Variants in ZSWIM5 observed in about 807,000 individuals in gnomAD.
ZSWIM5 encodes zinc finger SWIM-type containing 5, also known as zinc finger SWIM domain-containing protein 5.
Under a neutral mutation model 119.6 loss-of-function variants are expected in ZSWIM5, and 55 were observed. The observed-to-expected ratio is 0.46, with a 90% CI of 0.37 to 0.58. The LOEUF (loss-of-function observed/expected upper bound fraction) is 0.58. Among genes scored for constraint, ZSWIM5 ranks in the 20% least tolerant of loss-of-function variants. The pLI is 0.00. For missense variants in ZSWIM5, 1,193 were observed against 1,512.8 expected (o/e 0.79, Z 3.51); for synonymous variants, 537 against 606.9 (o/e 0.88, Z 1.69).
At chr1:45,140,283 T>C (rs1204688919) in intron 1 of ZSWIM5, among the ~76,000 whole-genome samples, 2 of 152,232 alleles carry the variant, frequency 1.3e-5, no homozygotes, top group East Asian at 1.9e-4. Flanking sequence ...ATCTATTGTC[T>C]ATGGCTGCTT....
intron 1 of ZSWIM5, among the ~76,000 whole-genome samples, chr1:45,152,331 T>C (rs1002462339): frequency 2.0e-5 from 3 of 152,128 alleles, no homozygotes; most frequent in Non-Finnish European, 4.4e-5. Flanking sequence ...CAAGAGACGA[T>C]GGTAGTTTGG....
chr1:45,081,860 A>C (rs1352692409), intron 2 of ZSWIM5, among the ~76,000 whole-genome samples: 1 of 152,174 alleles, frequency 6.6e-6, no homozygotes, highest in Non-Finnish European at 1.5e-5. Flanking sequence ...GGCCAGGATG[A>C]CAATGGCGGC....
intron 2 of ZSWIM5, among the ~76,000 whole-genome samples, chr1:45,069,329 A>G (rs953390444): frequency 2.6e-5 from 4 of 151,818 alleles, no homozygotes; most frequent in Admixed American, 6.6e-5. Context: ...GGGAGGCTGA[A>G]GTAGGAGAAT....
intron 1 of ZSWIM5, among the ~76,000 whole-genome samples, chr1:45,199,745 CT>C (rs1646148229): frequency 6.6e-6 from 1 of 152,198 alleles, no homozygotes; most frequent in Admixed American, 6.5e-5. Flanking sequence ...CAAATATTCA[CT>C]GTTTATAACT....
chr1:45,135,412 G>C (rs1349829394), intron 1 of ZSWIM5, among the ~76,000 whole-genome samples: 1 of 152,118 alleles, frequency 6.6e-6, no homozygotes, highest in Non-Finnish European at 1.5e-5. Context: ...TAAACTTAAT[G>C]TTATGTGTTT....
chr1:45,097,180 A>G (rs1236220646), intron 1 of ZSWIM5, among the ~76,000 whole-genome samples: 1 of 152,238 alleles, frequency 6.6e-6, no homozygotes, highest in Non-Finnish European at 1.5e-5. Context: ...GAAATTGTTC[A>G]CTTAACAGTT....
At chr1:45,102,039 T>TAAAA (rs35157053) in intron 1 of ZSWIM5, among the ~76,000 whole-genome samples, 1 of 144,684 alleles carries the variant, frequency 6.9e-6, no homozygotes, top group African/African-American at 2.5e-5. Context: ...TAAAGTATAA[T>TAAAA]AAAAAAAAAA....
Position 45,171,603 on chromosome 1 carries a change from A to G in ZSWIM5, c.595+34153T>C, listed in dbSNP as rs778999291. 2.8e-4 allele frequency among the ~76,000 whole-genome samples: 42 copies of G among 152,110 alleles called. 1 individual carries two copies. Among genetic ancestry groups the G allele is most frequent in the Non-Finnish European group, 5.3e-4 (36 of 67,986 alleles). On this transcript the variant is annotated intron_variant, in intron 1 of 13. Coordinates refer to ENST00000359600, the MANE Select transcript of ZSWIM5 (RefSeq NM_020883.2). The stretch of plus-strand genomic sequence containing the variant: ...CTATTTTCATAAGATAGGACATCAT[A>G]CTATTATAATTCCATAACCTCATCA...
intron 1 of ZSWIM5, among the ~76,000 whole-genome samples, chr1:45,205,335 C>A (rs1008955321): frequency 6.6e-6 from 1 of 152,170 alleles, no homozygotes; most frequent in African/African-American, 2.4e-5. Context: ...TCGGCTAGGG[C>A]TATAGATTGC....
chr1:45,094,080 G>A (rs896260028), intron 1 of ZSWIM5, among the ~76,000 whole-genome samples: 5 of 147,542 alleles, frequency 3.4e-5, no homozygotes, highest in Non-Finnish European at 7.4e-5. Flanking sequence ...TTTTTGAGAC[G>A]GAGTCTTACC....
rs1645893816 is a variant in ZSWIM5 at position 45,165,265 on chromosome 1, C to T, written c.595+40491G>A. ...CAGAAATAAAGATGTTCTTTGAAACCAATGAGAACAAGGACACAACATACC... is the reference window on the plus strand; with the variant it reads ...CAGAAATAAAGATGTTCTTTGAAACTAATGAGAACAAGGACACAACATACC... On this transcript the variant is annotated intron_variant, in intron 1 of 13. Transcript: ENST00000359600. 2.0e-5 allele frequency among the ~76,000 whole-genome samples: 3 copies of T among 152,098 alleles called. No homozygotes were observed. The South Asian group carries it at 6.2e-4, about 32-fold the overall frequency.
rs113146767 is a variant in ZSWIM5, at chr1:45,137,595, C to T, written c.596-49358G>A. On this transcript the variant is annotated intron_variant, in intron 1 of 13. Coordinates refer to ENST00000359600, the MANE Select transcript of ZSWIM5 (RefSeq NM_020883.2). ...AACTTGAAGAAGATGAGGGATTTGC[C>T]CATGTGAATATCTGAGTCAAAAACT... 1.0e-2 allele frequency among the ~76,000 whole-genome samples: 1,514 copies of T among 152,060 alleles called. 29 individuals are homozygous for T. Among genetic ancestry groups the T allele is most frequent in the African/African-American group, 0.035 (1,453 of 41,440 alleles).
chr1:45,069,101 C>T (rs1570053694), intron 2 of ZSWIM5, among the ~76,000 whole-genome samples: 1 of 151,880 alleles, frequency 6.6e-6, no homozygotes, highest in African/African-American at 2.4e-5. Flanking sequence ...CGTGAACCAT[C>T]CCACCCAGTC....
chr1:45,152,146 C>G (rs1645800666), intron 1 of ZSWIM5, among the ~76,000 whole-genome samples: 1 of 152,082 alleles, frequency 6.6e-6, no homozygotes, highest in South Asian at 2.1e-4. Context: ...GAGAGGCAAG[C>G]AGGGCCAAGC....
At chr1:45,128,462 G>C (rs1645635124) in intron 1 of ZSWIM5, among the ~76,000 whole-genome samples, 1 of 152,126 alleles carries the variant, frequency 6.6e-6, no homozygotes, top group African/African-American at 2.4e-5. Flanking sequence ...GCCTCCCAAA[G>C]TGCTGGGATT....
In ZSWIM5 at chr1:45,057,719, G is replaced by T. The variant is rs1256990633; in HGVS notation, c.1252+890C>A. Among the ~76,000 whole-genome samples the T allele has an allele frequency of 6.6e-6, 1 of 152,206 alleles. No homozygotes were observed. The highest frequency in any genetic ancestry group is 1.5e-5 in the Non-Finnish European group (1 of 68,030). ...GGGTATGGAAGATTCTGAAAGCAGG[G>T]CAAGAAGTATTAGCATTGCAAAACT... On this transcript the variant is annotated intron_variant, in intron 4 of 13. Coordinates refer to ENST00000359600, the MANE Select transcript of ZSWIM5 (RefSeq NM_020883.2). The surrounding 1 kb of genome is among the most constrained non-coding windows in gnomAD (Gnocchi z 4.7).
intron 1 of ZSWIM5, among the ~76,000 whole-genome samples, chr1:45,185,011 T>C (rs967388086): frequency 2.0e-5 from 3 of 152,198 alleles, no homozygotes; most frequent in Non-Finnish European, 4.4e-5. Flanking sequence ...ACTACAAGGC[T>C]ACAGTAACCA....
At chr1:45,084,730 C>G (rs1289009778) in intron 2 of ZSWIM5, among the ~76,000 whole-genome samples, 1 of 152,260 alleles carries the variant, frequency 6.6e-6, no homozygotes, top group Non-Finnish European at 1.5e-5. Context: ...GGCTCCATGT[C>G]TCACATCCAC....
chr1:45,089,816 T>TA (rs1193657676), intron 1 of ZSWIM5, among the ~76,000 whole-genome samples: 1 of 150,120 alleles, frequency 6.7e-6, no homozygotes, highest in Non-Finnish European at 1.5e-5. Flanking sequence ...CTACACAAAA[T>TA]AAAAAAAAAG....
Sources: gnomAD v4.1 joint callset for allele counts (sites outside exome capture counted in the v4.1 genomes callset) on GRCh38, gnomAD v4.1.1 for gene constraint, Gnocchi (gnomAD v3.1) non-coding constraint, MANE v1.5 for transcripts, NCBI Gene and HGNC (gene_info 2026-07-23, HGNC 2026-07-21) for gene names.